FBN2: variants seen among roughly 807,000 people sequenced by gnomAD.
FBN2 encodes fibrillin-2.
In FBN2, 105 loss-of-function variants were observed where a neutral mutation model predicts 355.6. The ratio of observed to expected loss-of-function variants is 0.30; its 90% CI spans 0.25 to 0.35. The LOEUF is 0.35. FBN2 is among the 10% of genes least tolerant of loss of function. The probability of loss-of-function intolerance (pLI) is 1.00; values close to 1 mark genes in which losing one functional copy is unlikely to be tolerated. For synonymous variants in FBN2, 1,350 were observed against 1,301.2 expected (o/e 1.04, Z -0.81); for missense variants, 3,280 against 3,758.7 (o/e 0.87, Z 3.33).
At chr5:128,292,240 C>G (rs1348484346) in intron 48 of FBN2, among the ~76,000 whole-genome samples, 1 of 152,108 alleles carries the variant, frequency 6.6e-6, no homozygotes, top group Non-Finnish European at 1.5e-5. Context: ...AAATCTGTGC[C>G]TATGGAAATG....
chr5:128,464,326 CCTT>C (rs752420346), intron 6 of FBN2, among the ~76,000 whole-genome samples: 4 of 152,050 alleles, frequency 2.6e-5, no homozygotes, highest in Non-Finnish European at 5.9e-5. Context: ...GCTTTCTTCT[CCTT>C]GTTACTTGGG....
intron 5 of FBN2, among the ~76,000 whole-genome samples, chr5:128,474,410 T>G (rs1045065942): frequency 6.6e-6 from 1 of 152,156 alleles, no homozygotes; most frequent in Non-Finnish European, 1.5e-5. Context: ...GTACTATCGT[T>G]AAGTAGGCCT....
At chr5:128,343,495 G>A (rs547324427) in intron 25 of FBN2, among the ~76,000 whole-genome samples, 1 of 152,334 alleles carries the variant, frequency 6.6e-6, no homozygotes, top group Admixed American at 6.5e-5. Context: ...GGAGCAGGCA[G>A]GAGGGAGTGC....
chr5:128,286,662 T>C lies in FBN2; in HGVS notation c.7012+56A>G, dbSNP rs1749154211. 7.5e-6 allele frequency: 12 copies of C among 1,605,444 alleles called. 1 individual carries two copies. The highest frequency in any genetic ancestry group is 3.3e-4 in the Middle Eastern group (2 of 6,020). ...TAAGATGATGTGGGAGTAGTGCCATTAATGAGGCTGGGAGTGGAGGCATTA... is the reference window on the plus strand; with the variant it reads ...TAAGATGATGTGGGAGTAGTGCCATCAATGAGGCTGGGAGTGGAGGCATTA... On this transcript the variant is annotated intron_variant, in intron 55 of 64. Coordinates refer to ENST00000262464, the MANE Select transcript of FBN2 (RefSeq NM_001999.4).
intron 7 of FBN2, among the ~76,000 whole-genome samples, chr5:128,444,054 CTTTTTTTTTTTTTTTT>C (rs35768962): frequency 7.0e-4 from 46 of 65,608 alleles, no homozygotes; most frequent in Non-Finnish European, 9.2e-4. Context: ...ATCACTTGTT[CTTTTTTTTTTTTTTTT>C]TTTTTTTTTT....
rs186251453 is a variant in FBN2, at chr5:128,524,886, T to C, written c.532+2986A>G. On this transcript the variant is annotated intron_variant, in intron 4 of 64. Coordinates refer to ENST00000262464, the MANE Select transcript of FBN2 (RefSeq NM_001999.4). ...TAGAGAACAAATGTTCAGTATATGC[T>C]GATTTTCTGACCCAGTGATGTTGCC... 9.8e-5 allele frequency among the ~76,000 whole-genome samples: 15 copies of C among 152,300 alleles called. No homozygotes were observed. The East Asian group carries it at 2.5e-3, about 25-fold the overall frequency.
intron 61 of FBN2, 57 bp from the exon 62 acceptor site, chr5:128,272,175 T>C: frequency 1.2e-6 from 2 of 1,609,434 alleles, no homozygotes; most frequent in Non-Finnish European, 1.7e-6. Context: ...TATTTTTAAA[T>C]GCACTCCAAA....
At chr5:128,296,097 T>A (rs1234686014) in intron 48 of FBN2, among the ~76,000 whole-genome samples, 1 of 152,230 alleles carries the variant, frequency 6.6e-6, no homozygotes, top group Non-Finnish European at 1.5e-5. Flanking sequence ...GAGATAATCA[T>A]GTGGTTTTTG....
chr5:128,521,740 C>A (rs1756439114), intron 4 of FBN2, among the ~76,000 whole-genome samples: 1 of 152,158 alleles, frequency 6.6e-6, no homozygotes, highest in Admixed American at 6.5e-5. Context: ...CTGACTGTAA[C>A]ACTCAGAACA....
At chr5:128,312,844 G>GA (rs779200605) in intron 36 of FBN2, 49 bp from the exon 37 acceptor site, 13 of 1,600,876 alleles carry the variant, frequency 8.1e-6, no homozygotes, top group Non-Finnish European at 1.0e-5. Context: ...ACATAGTAAG[G>GA]ACTCCATTTT....
At chr5:128,322,447 G>A (rs1248549155) in intron 34 of FBN2, among the ~76,000 whole-genome samples, 1 of 152,152 alleles carries the variant, frequency 6.6e-6, no homozygotes, top group Non-Finnish European at 1.5e-5. Flanking sequence ...TAATCCACTT[G>A]AGTTAACTTT....
At chr5:128,345,668 G>T in intron 23 of FBN2, 84 bp from the exon 24 acceptor site, 2 of 1,263,264 alleles carry the variant, frequency 1.6e-6, no homozygotes, top group Non-Finnish European at 2.3e-6. Context: ...CTCAGCACCA[G>T]GCATCATGCA....
Position 128,345,424 on chromosome 5 carries a change from C to T in FBN2, c.3150G>A (p.Thr1050=), listed in dbSNP as rs201631085. 1.3e-5 allele frequency: 21 copies of T among 1,614,146 alleles called. 1 individual carries two copies. Among genetic ancestry groups the T allele is most frequent in the South Asian group, 4.4e-5 (4 of 91,068 alleles). The change falls in exon 24 of 65, where the codon ACG becomes ACA. Residue 1050 remains threonine (T), a synonymous_variant. Transcript: ENST00000262464. ...CPKPGTKEYE[T]LCPRGAGFAN... is the part of the protein sequence containing the mutation. ...CAAAGCCAGCCCCGCGGGGGCACAG[C>T]GTCTCGTATTCCTTGGTGCCAGGTT...
intron 5 of FBN2, among the ~76,000 whole-genome samples, chr5:128,500,165 A>T (rs1755766163): frequency 6.6e-6 from 1 of 152,056 alleles, no homozygotes; most frequent in Non-Finnish European, 1.5e-5. Context: ...TGATAAAAAA[A>T]ATTCCTGGAA....
chr5:128,378,008 G>GTT (rs373419300), intron 12 of FBN2, 131 bp from the exon 13 acceptor site: 45,245 of 495,974 alleles, frequency 0.091, 16 homozygotes, highest in South Asian at 0.11. Context: ...TCTCTCAGCA[G>GTT]TTTTTTTTTT....
intron 62 of FBN2, among the ~76,000 whole-genome samples, chr5:128,271,023 C>CTG (rs1409483759): frequency 6.6e-6 from 1 of 152,156 alleles, no homozygotes; most frequent in East Asian, 1.9e-4. Flanking sequence ...GGTAAAGCAT[C>CTG]TGTCTTTGAC....
chr5:128,288,836 G>A (rs1421128338), intron 52 of FBN2, among the ~76,000 whole-genome samples: 1 of 152,218 alleles, frequency 6.6e-6, no homozygotes, highest in Non-Finnish European at 1.5e-5. Flanking sequence ...GCATGGAAGG[G>A]CATAAAGTAA....
chr5:128,298,201 G>T (rs6890219), intron 48 of FBN2, among the ~76,000 whole-genome samples: 1 of 151,804 alleles, frequency 6.6e-6, no homozygotes, highest in Non-Finnish European at 1.5e-5. Flanking sequence ...TCTGCCGAGA[G>T]ATCCGCTGTT....
At chr5:128,392,252 A>T (rs1393201543) in intron 10 of FBN2, 97 bp from the exon 11 acceptor site, 1 of 1,013,408 alleles carries the variant, frequency 9.9e-7, no homozygotes, top group Non-Finnish European at 1.5e-6. Flanking sequence ...AATTAATTAG[A>T]TGTATATCAG....
Sources: allele counts gnomAD v4.1 joint callset (sites outside exome capture counted in the v4.1 genomes callset), GRCh38; gene constraint gnomAD v4.1.1; transcripts MANE v1.5; gene names NCBI Gene and HGNC (gene_info 2026-07-23, HGNC 2026-07-21).